CCDC144A: variants seen among roughly 807,000 people sequenced by gnomAD.
CCDC144A encodes coiled-coil domain-containing protein 144A.
A neutral mutation model predicts 143.8 loss-of-function variants in CCDC144A; 41 were observed. The observed-to-expected ratio is 0.29, with a 90% CI of 0.22 to 0.37. The LOEUF is 0.37. CCDC144A is among the 10% of genes least tolerant of loss of function. CCDC144A has a pLI of 1.00. For missense variants in CCDC144A, 637 were observed against 1,488.8 expected (o/e 0.43, Z 9.41); for synonymous variants, 242 against 517.9 (o/e 0.47, Z 7.23).
intron 6 of CCDC144A, among the ~76,000 whole-genome samples, chr17:16,712,363 C>T (rs1188220277): frequency 2.0e-5 from 3 of 151,944 alleles, no homozygotes; most frequent in Admixed American, 6.6e-5. Context: ...AAGAAAAAGG[C>T]GTTTTCATAC....
At chr17:16,743,614 T>C (rs561615877) in intron 12 of CCDC144A, among the ~76,000 whole-genome samples, 2 of 152,290 alleles carry the variant, frequency 1.3e-5, no homozygotes, top group Admixed American at 6.5e-5. Flanking sequence ...GTTTTTTCCA[T>C]TTCTGTGAAG....
chr17:16,711,150 A>AAAAAAAAAAAAAAAAAAAAG (rs1567589760), intron 5 of CCDC144A, among the ~76,000 whole-genome samples: 1 of 140,954 alleles, frequency 7.1e-6, no homozygotes, highest in African/African-American at 2.6e-5. Flanking sequence ...AAAAAAAAAA[A>AAAAAAAAAAAAAAAAAAAAG]AAAAAAAACA....
At chr17:16,743,539 T>C (rs565355449) in intron 12 of CCDC144A, among the ~76,000 whole-genome samples, 2 of 152,100 alleles carry the variant, frequency 1.3e-5, no homozygotes, top group African/African-American at 2.4e-5. Context: ...CCAGCTCTGT[T>C]CTTTTCCCTC....
At chr17:16,753,441 T>TG (rs1567606577) in intron 12 of CCDC144A, among the ~76,000 whole-genome samples, 1 of 126,220 alleles carries the variant, frequency 7.9e-6, no homozygotes, top group Non-Finnish European at 1.6e-5. Flanking sequence ...TTTTTTTTTT[T>TG]TTTTTTTTTT....
intron 12 of CCDC144A, among the ~76,000 whole-genome samples, chr17:16,747,183 T>G (rs1157614434): frequency 7.2e-5 from 11 of 152,090 alleles, no homozygotes; most frequent in Non-Finnish European, 1.6e-4. Flanking sequence ...CCATTGCATA[T>G]TTGTGTCGGC....
the CCDC144A span, among the ~76,000 whole-genome samples, chr17:16,675,404 CT>C: frequency 0.026 from 3,860 of 150,210 alleles, 122 homozygotes; most frequent in African/African-American, 0.078. Context: ...ATAAGCTTGT[CT>C]TTTTTTTTAT....
chr17:16,679,471 T>C, the CCDC144A span, among the ~76,000 whole-genome samples: 3 of 152,084 alleles, frequency 2.0e-5, no homozygotes, highest in African/African-American at 7.2e-5. Context: ...TAATTTTTTT[T>C]TTTTCCTGAG....
At chr17:16,715,225 G>A (rs1238919554) in intron 6 of CCDC144A, among the ~76,000 whole-genome samples, 1 of 149,824 alleles carries the variant, frequency 6.7e-6, no homozygotes, top group Non-Finnish European at 1.5e-5. Context: ...CTTGCAATAA[G>A]TAGCTACTCA....
the CCDC144A span, among the ~76,000 whole-genome samples, chr17:16,674,218 A>G: frequency 1.2e-4 from 18 of 152,046 alleles, no homozygotes; most frequent in South Asian, 3.4e-3. Flanking sequence ...GTTCCAGACC[A>G]GCCTAGGCAA....
At chr17:16,728,800 C>T (rs1215365846) in intron 9 of CCDC144A, among the ~76,000 whole-genome samples, 1 of 152,130 alleles carries the variant, frequency 6.6e-6, no homozygotes, top group Non-Finnish European at 1.5e-5. Flanking sequence ...ATTTGTGCAC[C>T]TATAGCTTAA....
chr17:16,708,198 A>C (rs979631709), intron 4 of CCDC144A, among the ~76,000 whole-genome samples: 1 of 152,196 alleles, frequency 6.6e-6, no homozygotes, highest in Non-Finnish European at 1.5e-5. Flanking sequence ...ATATATTAGA[A>C]CAGAACTGAA....
chr17:16,751,618 C>T (rs1914796116), intron 12 of CCDC144A, among the ~76,000 whole-genome samples: 1 of 152,226 alleles, frequency 6.6e-6, no homozygotes, highest in Non-Finnish European at 1.5e-5. Flanking sequence ...CTTAGGGCAG[C>T]GGCCCAAGCC....
chr17:16,686,975 A>G (rs1910807621), upstream of CCDC144A, among the ~76,000 whole-genome samples: 1 of 152,094 alleles, frequency 6.6e-6, no homozygotes, highest in African/African-American at 2.4e-5. Flanking sequence ...AGCTAGGCCA[A>G]GGGGTAGGGT....
intron 9 of CCDC144A, among the ~76,000 whole-genome samples, chr17:16,729,989 T>TATATATATATATATATATATAC (rs1567597673): frequency 7.4e-5 from 9 of 121,156 alleles, no homozygotes; most frequent in African/African-American, 2.4e-4. Context: ...TATATATATA[T>TATATATATATATATATATATAC]ATACACACAT....
At position 16,705,251 on chromosome 17, in the gene CCDC144A, T is replaced by G; in HGVS notation, c.516T>G (p.Pro172=). 1 of 801,282 alleles carries G rather than the reference T, an allele frequency of 1.2e-6. No individual in the cohort carries two copies. Among genetic ancestry groups the G allele is most frequent in the South Asian group, 1.5e-5 (1 of 64,970 alleles). The allele number at this position is 801,282 out of a possible 1,614,324, so 49.6% of individuals were successfully genotyped here. A position where few individuals can be genotyped will look rare whatever the true frequency, so the allele number is the denominator to read the frequency against. Residue 172 remains proline (P), a synonymous_variant, in exon 3 of 17, where the codon CCT becomes CCG. Coordinates refer to ENST00000399273, the MANE Select transcript of CCDC144A (RefSeq NM_001382000.1). ...GTCCATCTGTATCACCATCAATGCC[T>G]GAAAATCAGTCAGCAACCAAAGAAC... is the stretch of plus-strand genomic sequence containing the variant. ...DKCPSVSPSM[P]ENQSATKELG...
At chr17:16,700,918 A>G (rs1911695867) in intron 2 of CCDC144A, among the ~76,000 whole-genome samples, 2 of 152,322 alleles carry the variant, frequency 1.3e-5, no homozygotes, top group East Asian at 1.9e-4. Flanking sequence ...TTTTATTTTC[A>G]TGGATGGACC....
rs564760227 is a variant in CCDC144A, at chr17:16,699,933, G to A, written c.416-5218G>A. On this transcript the variant is annotated intron_variant, in intron 2 of 16. Transcript: ENST00000399273. ...GCAAATGTCAAAAAATAAAAAATAA[G>A]CAGATTAGGGAAAGGTATTCTGTGA... Among the ~76,000 whole-genome samples the A allele has an allele frequency of 2.5e-3, 377 of 152,038 alleles. 2 individuals carry two copies. Among genetic ancestry groups the A allele is most frequent in the African/African-American group, 8.6e-3 (356 of 41,406 alleles).
chr17:16,764,664 A>G lies in CCDC144A; in HGVS notation c.4098+489A>G, dbSNP rs138939176. The G allele has an allele frequency of 3.0e-3, 536 of 181,172 alleles. 2 individuals are homozygous for G. Among genetic ancestry groups the G allele is most frequent in the African/African-American group, 0.012 (511 of 41,752 alleles). 11.2% of individuals were successfully genotyped at this position (181,172 alleles called of 1,614,324 possible). A position where few individuals can be genotyped will look rare whatever the true frequency, so the allele number is the denominator to read the frequency against. On this transcript the variant is annotated intron_variant, in intron 15 of 16. Coordinates refer to ENST00000399273, the MANE Select transcript of CCDC144A (RefSeq NM_001382000.1). Reference sequence around the variant, plus strand: ...AAGGACCCAAGGTGAATACTTTTATATGTTATATAAACCTGCAACACTTGA... The same window carrying G: ...AAGGACCCAAGGTGAATACTTTTATGTGTTATATAAACCTGCAACACTTGA...
chr17:16,758,639 C>T (rs1392481919), intron 12 of CCDC144A, among the ~76,000 whole-genome samples: 1 of 152,252 alleles, frequency 6.6e-6, no homozygotes, highest in East Asian at 1.9e-4. Flanking sequence ...GGGAACCATC[C>T]TCTGTGGCTT....
Sources: gnomAD v4.1 joint callset for allele counts (sites outside exome capture counted in the v4.1 genomes callset) on GRCh38, gnomAD v4.1.1 for gene constraint, MANE v1.5 for transcripts, NCBI Gene and HGNC (gene_info 2026-07-23, HGNC 2026-07-21) for gene names.